SLC24A2: variants seen among roughly 807,000 people sequenced by gnomAD.
SLC24A2 encodes sodium/potassium/calcium exchanger 2.
SLC24A2 carries 36 observed loss-of-function variants against 62.0 expected under a neutral mutation model. The ratio of observed to expected loss-of-function variants is 0.58; its 90% CI spans 0.44 to 0.77. The LOEUF (loss-of-function observed/expected upper bound fraction) is 0.77, where lower values mean the gene tolerates loss of function less well. Ranked by LOEUF, SLC24A2 falls within the 30% of genes least tolerant of loss-of-function variation. SLC24A2 has a pLI of 0.00. For missense variants in SLC24A2, 846 were observed against 817.9 expected, an observed-to-expected ratio of 1.03 and a Z score of -0.42; for synonymous variants, 358 against 294.0, an observed-to-expected ratio of 1.22 and a Z score of -2.23.
chr9:20,290,613 C>T, the SLC24A2 span, among the ~76,000 whole-genome samples: 1 of 152,198 alleles, frequency 6.6e-6, no homozygotes, highest in African/African-American at 2.4e-5. Flanking sequence ...TGTTGTGACG[C>T]CACCACCTGC....
At chr9:19,606,029 A>T (rs932632822) in intron 4 of SLC24A2, among the ~76,000 whole-genome samples, 2 of 152,188 alleles carry the variant, frequency 1.3e-5, no homozygotes, top group Non-Finnish European at 2.9e-5. Context: ...GGTTTTTCTA[A>T]ATGGGCACAT....
At chr9:19,941,217 G>C in the SLC24A2 span, among the ~76,000 whole-genome samples, 1 of 150,988 alleles carries the variant, frequency 6.6e-6, no homozygotes, top group Admixed American at 6.6e-5. Context: ...GCCCACCCAA[G>C]TTTTACTATG....
At chr9:19,973,386 C>T in the SLC24A2 span, among the ~76,000 whole-genome samples, 2 of 152,200 alleles carry the variant, frequency 1.3e-5, no homozygotes, top group African/African-American at 4.8e-5. Context: ...AATTATTTAA[C>T]AGACCCTACA....
At chr9:19,991,035 CACAT>C in the SLC24A2 span, among the ~76,000 whole-genome samples, 57,967 of 146,610 alleles carry the variant, frequency 0.4, 12,024 homozygotes, top group Non-Finnish European at 0.43. Context: ...CATATATACA[CACAT>C]ACATACATAC....
At chr9:20,062,324 C>T in the SLC24A2 span, among the ~76,000 whole-genome samples, 3 of 151,214 alleles carry the variant, frequency 2.0e-5, no homozygotes, top group Admixed American at 6.6e-5. Context: ...ACAGAGCCCT[C>T]AGAAATAATG....
At chr9:20,075,484 A>C in the SLC24A2 span, among the ~76,000 whole-genome samples, 1 of 152,212 alleles carries the variant, frequency 6.6e-6, no homozygotes, top group Non-Finnish European at 1.5e-5. Flanking sequence ...GTGGATGGCC[A>C]ATCAAGCCCA....
At chr9:20,166,882 C>T in the SLC24A2 span, among the ~76,000 whole-genome samples, 2 of 151,952 alleles carry the variant, frequency 1.3e-5, no homozygotes, top group African/African-American at 2.4e-5. Context: ...TTTTATGTTA[C>T]CCAGGCTAGA....
chr9:19,545,113 C>G (rs541532665), intron 8 of SLC24A2, among the ~76,000 whole-genome samples: 1 of 152,036 alleles, frequency 6.6e-6, no homozygotes, highest in African/African-American at 2.4e-5. Flanking sequence ...TTCTTGGAGG[C>G]TTTGTTTGAT....
At chr9:20,056,093 A>C in the SLC24A2 span, among the ~76,000 whole-genome samples, 32 of 152,308 alleles carry the variant, frequency 2.1e-4, no homozygotes, top group African/African-American at 7.0e-4. Context: ...GATCATATGT[A>C]AAATGGTAAT....
rs373494854 is a variant in SLC24A2, at chr9:19,780,058, G to A, written c.930+5879C>T. On this transcript the variant is annotated intron_variant, in intron 2 of 10. Transcript: ENST00000341998. ...AGCCAGGGCGACAGAGCGAGACTCCGTCTCAAAACAAAAATCAAAAACCAA... is the reference window on the plus strand; with the variant it reads ...AGCCAGGGCGACAGAGCGAGACTCCATCTCAAAACAAAAATCAAAAACCAA... Among the ~76,000 whole-genome samples, 26 of 152,088 alleles carry A rather than the reference G, an allele frequency of 1.7e-4. 1 individual carries two copies. In the East Asian group the frequency reaches 4.1e-3, roughly 24 times the overall value.
the SLC24A2 span, among the ~76,000 whole-genome samples, chr9:20,100,797 T>G: frequency 6.6e-6 from 1 of 152,228 alleles, no homozygotes; most frequent in Admixed American, 6.5e-5. Context: ...TTATTTTCTC[T>G]TTTTAAGGAT....
chr9:19,980,867 G>A, the SLC24A2 span, among the ~76,000 whole-genome samples: 1 of 152,278 alleles, frequency 6.6e-6, no homozygotes, highest in Non-Finnish European at 1.5e-5. Context: ...CTCCTACTTT[G>A]AGTGAAGGAA....
the SLC24A2 span, among the ~76,000 whole-genome samples, chr9:19,994,302 C>CA: frequency 9.9e-5 from 15 of 151,812 alleles, no homozygotes; most frequent in South Asian, 2.1e-4. Flanking sequence ...AAAAACAAAA[C>CA]AAAAAAAACA....
rs149171658 is a variant in SLC24A2 at position 19,621,262 on chromosome 9, G to C, written c.969+999C>G. Among the ~76,000 whole-genome samples, 119 of 152,310 alleles carry C rather than the reference G, an allele frequency of 7.8e-4. 1 individual carries two copies. The highest frequency in any genetic ancestry group is 2.8e-3 in the African/African-American group (115 of 41,570). On this transcript the variant is annotated intron_variant, in intron 3 of 10. Transcript: ENST00000341998. ...TTGCCAATTCAATAGGGATGGAAAA[G>C]AATCAGTGGGGATTACTGGTGCCTC... is the stretch of plus-strand genomic sequence containing the variant.
chr9:19,963,437 C>G, the SLC24A2 span, among the ~76,000 whole-genome samples: 3 of 150,136 alleles, frequency 2.0e-5, no homozygotes, highest in East Asian at 2.0e-4. Flanking sequence ...AGGCAACCTA[C>G]AAAATGGGAG....
At chr9:20,005,278 C>A in the SLC24A2 span, among the ~76,000 whole-genome samples, 1 of 152,138 alleles carries the variant, frequency 6.6e-6, no homozygotes, top group African/African-American at 2.4e-5. Context: ...GGAAATTATC[C>A]CATAGCAAGA....
chr9:19,597,442 T>G (rs1491000337), intron 4 of SLC24A2, among the ~76,000 whole-genome samples, 163 bp from the exon 5 acceptor site: 2 of 152,248 alleles, frequency 1.3e-5, no homozygotes, highest in Non-Finnish European at 2.9e-5. Context: ...CAGACAGCTT[T>G]CACGGCCCAT....
chr9:19,585,774 C>G (rs1311195219), intron 5 of SLC24A2, among the ~76,000 whole-genome samples: 1 of 152,158 alleles, frequency 6.6e-6, no homozygotes, highest in Non-Finnish European at 1.5e-5. Flanking sequence ...GAGAGCCATC[C>G]TGATGCAAAG....
At chr9:19,778,509 T>A (rs1822912751) in intron 2 of SLC24A2, among the ~76,000 whole-genome samples, 1 of 152,196 alleles carries the variant, frequency 6.6e-6, no homozygotes, top group East Asian at 1.9e-4. Flanking sequence ...TGTGTCTATT[T>A]GAGTCTTGGT....
Sources: allele counts gnomAD v4.1 joint callset (sites outside exome capture counted in the v4.1 genomes callset), GRCh38; gene constraint gnomAD v4.1.1; transcripts MANE v1.5; gene names NCBI Gene and HGNC (gene_info 2026-07-23, HGNC 2026-07-21).